RORB: variants seen among roughly 807,000 people sequenced by gnomAD.
The protein encoded by RORB is RAR related orphan receptor B, also known as nuclear receptor ROR-beta.
A neutral mutation model predicts 59.1 loss-of-function variants in RORB; 6 were observed. The observed-to-expected ratio is 0.10, with a 90% confidence interval of 0.06 to 0.20. The LOEUF is 0.20. Among genes scored for constraint, RORB ranks in the 10% least tolerant of loss-of-function variants. RORB has a pLI of 1.00. For synonymous variants in RORB, 215 were observed against 204.5 expected, an observed-to-expected ratio of 1.05 and a Z score of -0.44; for missense variants, 320 against 560.5, an observed-to-expected ratio of 0.57 and a Z score of 4.33.
chr9:74,575,596 T>C (rs1822622453), intron 1 of RORB, among the ~76,000 whole-genome samples: 1 of 152,104 alleles, frequency 6.6e-6, no homozygotes, highest in Admixed American at 6.5e-5. Context: ...TGGATATGCC[T>C]GGACACTCAC....
rs1824762404 is a variant in RORB, at chr9:74,692,535, T to A, written c.*6917T>A. The stretch of plus-strand genomic sequence containing the variant: ...CCGTGGGCTGCCTGGGGCTTGGCTG[T>A]GCCCACTAACCTACTGCGCCTGGGG... On this transcript the variant is annotated 3_prime_UTR_variant, in exon 10 of 10. Coordinates refer to ENST00000376896, the MANE Select transcript of RORB (RefSeq NM_006914.4). The A allele has an allele frequency of 6.6e-6, 1 of 152,182 alleles. No individual in the cohort carries two copies. Among genetic ancestry groups the A allele is most frequent in the Non-Finnish European group, 1.5e-5 (1 of 68,036 alleles). 9.4% of individuals were successfully genotyped at this position (152,182 alleles called of 1,614,324 possible).
At chr9:74,669,997 T>C (rs1824323424) in intron 8 of RORB, among the ~76,000 whole-genome samples, 1 of 152,192 alleles carries the variant, frequency 6.6e-6, no homozygotes, top group African/African-American at 2.4e-5. Flanking sequence ...AAATGGAAAT[T>C]AGTTATCACA....
chr9:74,680,853 C>T (rs1453446265), intron 9 of RORB, among the ~76,000 whole-genome samples: 1 of 152,122 alleles, frequency 6.6e-6, no homozygotes, highest in Non-Finnish European at 1.5e-5. Context: ...AACAAGATCA[C>T]TAGTTTTACC....
intron 9 of RORB, among the ~76,000 whole-genome samples, chr9:74,684,387 C>T (rs1824601465): frequency 6.6e-6 from 1 of 152,136 alleles, no homozygotes; most frequent in Non-Finnish European, 1.5e-5. Context: ...TCAAGTGTGT[C>T]TTTAGTCAGC....
At chr9:74,539,367 T>C (rs1256567525) in intron 1 of RORB, among the ~76,000 whole-genome samples, 1 of 152,186 alleles carries the variant, frequency 6.6e-6, no homozygotes, top group East Asian at 1.9e-4. Context: ...AGAAACTACT[T>C]CTATCATGCT....
At chr9:74,599,423 G>T (rs192051962) in intron 1 of RORB, among the ~76,000 whole-genome samples, 1 of 151,976 alleles carries the variant, frequency 6.6e-6, no homozygotes, top group South Asian at 2.1e-4. Context: ...CACATTTAAA[G>T]AAATTAAAAC....
intron 1 of RORB, among the ~76,000 whole-genome samples, chr9:74,550,217 AAAG>A (rs1826586128): frequency 6.6e-6 from 1 of 152,218 alleles, no homozygotes; most frequent in Admixed American, 6.5e-5. Flanking sequence ...TTTTTCACTT[AAAG>A]AAGAAAAAAA....
chr9:74,559,629 T>C (rs1371232850), intron 1 of RORB, among the ~76,000 whole-genome samples: 2 of 152,204 alleles, frequency 1.3e-5, no homozygotes, highest in Admixed American at 1.3e-4. Context: ...CAGACTGGAT[T>C]TTTATACACA....
At chr9:74,662,640 G>C in intron 6 of RORB, 34 bp downstream of exon 6, 2 of 1,608,106 alleles carry the variant, frequency 1.2e-6, no homozygotes, top group Non-Finnish European at 8.5e-7. Context: ...GCCTATTTCA[G>C]ATAAGGATGT....
intron 1 of RORB, among the ~76,000 whole-genome samples, chr9:74,627,212 T>G (rs1488276836): frequency 1.3e-5 from 2 of 151,940 alleles, no homozygotes; most frequent in African/African-American, 4.8e-5. Flanking sequence ...AAGCAGTTTA[T>G]TTCCTTACAT....
intron 1 of RORB, among the ~76,000 whole-genome samples, chr9:74,507,513 C>T (rs1224184716): frequency 2.0e-5 from 3 of 152,020 alleles, no homozygotes; most frequent in African/African-American, 2.4e-5. Context: ...CATAGTGCTT[C>T]GTATGAGTTT....
rs112226709 is a variant in RORB at position 74,582,111 on chromosome 9, T to C, written c.8-48171T>C. Reference sequence around the variant, plus strand: ...CTTGAAGTTAGCAGCATGGATGAAATAGTGCATTCTGTCAGGAGAAGTAAC... The same window carrying C: ...CTTGAAGTTAGCAGCATGGATGAAACAGTGCATTCTGTCAGGAGAAGTAAC... On this transcript the variant is annotated intron_variant, in intron 1 of 9. Transcript: ENST00000376896. 3.2e-3 allele frequency among the ~76,000 whole-genome samples: 490 copies of C among 152,290 alleles called. 5 individuals carry two copies. Among genetic ancestry groups the C allele is most frequent in the African/African-American group, 0.011 (450 of 41,570 alleles).
At chr9:74,599,415 C>A (rs1823021346) in intron 1 of RORB, among the ~76,000 whole-genome samples, 1 of 152,046 alleles carries the variant, frequency 6.6e-6, no homozygotes, top group South Asian at 2.1e-4. Context: ...AATATAGACA[C>A]ATTTAAAGAA....
chr9:74,630,143 A>T, intron 1 of RORB, 139 bp from the exon 2 acceptor site: 1 of 1,034,726 alleles, frequency 9.7e-7, no homozygotes, highest in Non-Finnish European at 1.3e-6. Flanking sequence ...ATACTAATGG[A>T]TGACTCCCAC....
intron 1 of RORB, among the ~76,000 whole-genome samples, chr9:74,524,097 T>C (rs1826121298): frequency 6.7e-6 from 1 of 149,758 alleles, no homozygotes; most frequent in African/African-American, 2.5e-5. Flanking sequence ...TCTCATCATC[T>C]ACAGAAAGCT....
chr9:74,622,685 C>G (rs779861033), intron 1 of RORB, among the ~76,000 whole-genome samples: 2 of 151,844 alleles, frequency 1.3e-5, no homozygotes, highest in Non-Finnish European at 2.9e-5. Context: ...CACCACCACA[C>G]CCAGCTAATT....
At chr9:74,623,803 C>T (rs1022602524) in intron 1 of RORB, among the ~76,000 whole-genome samples, 1 of 152,134 alleles carries the variant, frequency 6.6e-6, no homozygotes, top group African/African-American at 2.4e-5. Flanking sequence ...CGTCGGGTCC[C>T]ACGCACAAGT....
rs1038234976 is a variant in RORB at position 74,690,298 on chromosome 9, G to T, written c.*4680G>T. ...CAGGACCAGAGGGTACAGGGTAGAG[G>T]GTAGTTTACCATTTAAAGCAGGGGT... On this transcript the variant is annotated 3_prime_UTR_variant, in exon 10 of 10. Coordinates refer to ENST00000376896, the MANE Select transcript of RORB (RefSeq NM_006914.4). 2 of 152,136 alleles carry T rather than the reference G, an allele frequency of 1.3e-5. No individual in the cohort carries two copies. Among genetic ancestry groups the T allele is most frequent in the Admixed American group, 1.3e-4 (2 of 15,270 alleles). The allele number at this position is 152,136 out of a possible 1,614,324, so 9.4% of individuals were successfully genotyped here. A position where few individuals can be genotyped will look rare whatever the true frequency, so the allele number is the denominator to read the frequency against.
At chr9:74,651,664 A>C (rs1340416760) in intron 4 of RORB, among the ~76,000 whole-genome samples, 1 of 152,180 alleles carries the variant, frequency 6.6e-6, no homozygotes, top group Admixed American at 6.5e-5. Context: ...ACCCCAAAAA[A>C]CTGAGTTAAA....
Sources: allele counts gnomAD v4.1 joint callset (sites outside exome capture counted in the v4.1 genomes callset), GRCh38; gene constraint gnomAD v4.1.1; transcripts MANE v1.5; gene names NCBI Gene and HGNC (gene_info 2026-07-23, HGNC 2026-07-21).